Variants in TTN observed in about 807,000 individuals in gnomAD.
The protein encoded by TTN is connectin.
In TTN, 1,525 loss-of-function variants were observed where a neutral mutation model predicts 3,223.0. The ratio of observed to expected loss-of-function variants is 0.47; its 90% CI spans 0.45 to 0.49. The LOEUF (loss-of-function observed/expected upper bound fraction) is 0.49, where lower values mean the gene tolerates loss of function less well. Among genes scored for constraint, TTN ranks in the 20% least tolerant of loss-of-function variants. The probability of loss-of-function intolerance (pLI) is 0.00; values close to 1 mark genes in which losing one functional copy is unlikely to be tolerated. For synonymous variants in TTN, 14,094 were observed against 15,161.0 expected (o/e 0.93, Z 5.17); for missense variants, 40,786 against 43,424.0 (o/e 0.94, Z 5.40).
intron 46 of TTN, among the ~76,000 whole-genome samples, chr2:178,755,945 C>A (rs147103268): frequency 6.6e-6 from 1 of 152,080 alleles, no homozygotes; most frequent in Non-Finnish European, 1.5e-5. Context: ...CTTGGTAGTG[C>A]GTTGGTAAAT....
intron 218 of TTN, 162 bp downstream of exon 218, chr2:178,644,386 C>T (rs534431676): frequency 1.5e-5 from 8 of 525,944 alleles, no homozygotes; most frequent in East Asian, 3.5e-5. Context: ...GGAAGCAACA[C>T]TCATGAGCCA....
chr2:178,720,796 A>T (rs960954178), intron 79 of TTN, 125 bp downstream of exon 79: 66 of 1,380,964 alleles, frequency 4.8e-5, no homozygotes, highest in Non-Finnish European at 6.1e-5. Flanking sequence ...ATGACAATTC[A>T]TTAAAACTTG....
At chr2:178,738,430 AC>A in intron 48 of TTN, 70 bp from the exon 49 acceptor site, 1 of 1,493,820 alleles carries the variant, frequency 6.7e-7, no homozygotes, top group Non-Finnish European at 8.9e-7. Context: ...TTTTCTTCTA[AC>A]TTTTGTTGCT....
chr2:178,616,429 T>C lies in TTN; in HGVS notation c.48312+50A>G, dbSNP rs755191669. ...TGTATGGCATCCCAACCTTCTGGGA[T>C]TTCCCCTACTCTCATTTTTGGCATT... On this transcript the variant is annotated intron_variant, in intron 257 of 362. Transcript: ENST00000589042. 3 of 1,599,204 alleles carry C rather than the reference T, an allele frequency of 1.9e-6. No homozygotes were observed. In the Admixed American group the frequency reaches 5.4e-5, roughly 29 times the overall value.
At position 178,617,802 on chromosome 2, in the gene TTN, A is replaced by C. The variant is rs1462059025; in HGVS notation, c.47549T>G (p.Phe15850Cys). 34 of 1,612,222 alleles carry C rather than the reference A, an allele frequency of 2.1e-5. No homozygotes were observed. The Admixed American group carries it at 5.5e-4, about 26-fold the overall frequency. ...GVGKPSAATP[F>C]VKVADPIERP... ...ACCAATTGGATCAGCAACTTTGACG[A>C]AGGGTGTGGCTGCACTTGGTTTTCC... Residue 15850 changes from phenylalanine to cysteine, a missense_variant, in exon 253 of 363, where the codon TTC (phenylalanine) becomes TGC (cysteine). Phe to Cys is a radical substitution (Grantham distance 205). Transcript: ENST00000589042.
At chr2:178,793,712 A>C (rs1033600402) in intron 8 of TTN, among the ~76,000 whole-genome samples, 171 bp from the exon 9 acceptor site, 1 of 152,192 alleles carries the variant, frequency 6.6e-6, no homozygotes, top group Non-Finnish European at 1.5e-5. Context: ...AGGCACAAGA[A>C]TCACTTAAAC....
Position 178,633,336 on chromosome 2 carries a change from T to C in TTN, c.42947-10A>G. On this transcript the variant is annotated splice_polypyrimidine_tract_variant and intron_variant, in intron 232 of 362. Coordinates refer to ENST00000589042, the MANE Select transcript of TTN (RefSeq NM_001267550.2). The stretch of plus-strand genomic sequence containing the variant: ...ACTTTTATTAGTCGAGCTGAAATGA[T>C]ACAGTTTTGTTAGCATGACTGAACT... 1 of 1,612,980 alleles carries C rather than the reference T, an allele frequency of 6.2e-7. No individual in the cohort carries two copies. Among genetic ancestry groups the C allele is most frequent in the Admixed American group, 1.7e-5 (1 of 59,918 alleles).
chr2:178,531,284 C>T lies in TTN; in HGVS notation c.105331G>A (p.Glu35111Lys). The T allele has an allele frequency of 6.2e-7, 1 of 1,614,014 alleles. No individual in the cohort carries two copies. Residue 35111 changes from glutamate (E) to lysine (K), a missense_variant, in exon 358 of 363, where the codon GAA becomes AAA. By Grantham distance (56) the Glu-to-Lys change is moderately conservative. Transcript: ENST00000589042. ...GTGGATTTTTCTTCCAGTGACTTTT[C>T]TTCTAATGCAGCACTTTTCATTTCT... ...SAEMKSAALE[E>K]KSLEEKSTTR...
chr2:178,600,759 G>C, intron 288 of TTN, 95 bp downstream of exon 288: 2 of 1,442,074 alleles, frequency 1.4e-6, no homozygotes, highest in South Asian at 2.3e-5. Flanking sequence ...AGCTTCCTAA[G>C]GTACAGATAT....
Position 178,730,566 on chromosome 2 carries a change from G to C in TTN, c.17967C>G (p.Tyr5989Ter), listed in dbSNP as rs2154308240. The change falls in exon 61 of 363, where the codon TAC becomes TAG. Residue 5989 changes from tyrosine (Y) to a stop codon, truncating the protein, a stop_gained. Transcript: ENST00000589042. LOFTEE classifies it high-confidence loss of function. The stretch of plus-strand genomic sequence containing the variant: ...CTGCCTTATTTGTGGCAGAACAAGT[G>C]TATGTCCCACTGTCTGTACCTTCCA... ...SQLEGTDSGT[Y>*]TCSATNKAGH... 1 of 1,613,608 alleles carries C rather than the reference G, an allele frequency of 6.2e-7. No homozygotes were observed. The highest frequency in any genetic ancestry group is 8.5e-7 in the Non-Finnish European group (1 of 1,179,628).
In TTN at chr2:178,601,002, G is replaced by T; in HGVS notation, c.55902C>A (p.Cys18634Ter). The T allele has an allele frequency of 6.2e-7, 1 of 1,613,000 alleles. No individual in the cohort carries two copies. Among genetic ancestry groups the T allele is most frequent in the Non-Finnish European group, 8.5e-7 (1 of 1,179,352 alleles). The change falls in exon 288 of 363, where the codon TGC becomes TGA. Residue 18634 changes from cysteine (C) to a stop codon, truncating the protein, a stop_gained. Transcript: ENST00000589042. LOFTEE classifies it high-confidence loss of function. ...GCAGTTCTTCCACATCACGCTTATT[G>T]CACTGCCTCCAGGCTTCTTTCTTTG... Reference protein sequence around the residue: ...TGTKKEAWRQCNKRDVEELQF... With the variant: ...TGTKKEAWRQ
chr2:178,574,708 T>C lies in TTN; in HGVS notation c.71424A>G (p.Gly23808=), dbSNP rs774829538. 1 of 1,613,320 alleles carries C rather than the reference T, an allele frequency of 6.2e-7. No homozygotes were observed. The highest frequency in any genetic ancestry group is 1.1e-5 in the South Asian group (1 of 91,006). ...ATGCTGATGTGATGCCTGGTCCAAC[T>C]CCATATCTATTCTGAGCTTTTACAC... ...QFRVKAQNRY[G]VGPGITSACI... Residue 23808 remains glycine (G), a synonymous_variant, in exon 326 of 363, where the codon GGA becomes GGG. Coordinates refer to ENST00000589042, the MANE Select transcript of TTN (RefSeq NM_001267550.2).
In TTN at chr2:178,570,600, C is replaced by T. The variant is rs878863074; in HGVS notation, c.75532G>A (p.Asp25178Asn). The change falls in exon 326 of 363, where the codon GAC becomes AAC. Residue 25178 changes from aspartate (D) to asparagine (N), a missense_variant. Physicochemically the swap from Asp to Asn is conservative, Grantham distance 23. Coordinates refer to ENST00000589042, the MANE Select transcript of TTN (RefSeq NM_001267550.2). ...SLSVKDAVRV[D>N]SGNYILKAKN... ...GCCTTCAGTATGTAATTTCCACTGTCGACACGTACTGCATCTTTTACACTG... is the reference window on the plus strand; with the variant it reads ...GCCTTCAGTATGTAATTTCCACTGTTGACACGTACTGCATCTTTTACACTG... The T allele has an allele frequency of 1.4e-5, 22 of 1,613,298 alleles. No individual in the cohort carries two copies. The highest frequency in any genetic ancestry group is 6.7e-5 in the East Asian group (3 of 44,766).
chr2:178,526,902 T>C lies in TTN; in HGVS notation c.*110A>G. ...TTGAACTTTGACTCATTTAGGTTGA[T>C]ACAAAACTACTTTTTTTTCTTTAAA... On this transcript the variant is annotated 3_prime_UTR_variant, in exon 363 of 363. Transcript: ENST00000589042. 9.3e-7 allele frequency: 1 copy of C among 1,069,998 alleles called. No individual in the cohort carries two copies. 66.3% of individuals were successfully genotyped at this position (1,069,998 alleles called of 1,614,324 possible).
At chr2:178,781,037 C>T (rs2092718456) in intron 21 of TTN, 84 bp downstream of exon 21, 11 of 1,590,824 alleles carry the variant, frequency 6.9e-6, no homozygotes, top group South Asian at 1.1e-5. Flanking sequence ...TAAGTGGCAA[C>T]AGGTTTTTCA....
At position 178,613,744 on chromosome 2, in the gene TTN, A is replaced by G. The variant is rs2154201240; in HGVS notation, c.49532+7T>C. On this transcript the variant is annotated splice_region_variant and intron_variant, in intron 263 of 362. Transcript: ENST00000589042. The stretch of plus-strand genomic sequence containing the variant: ...TCTTAACATCTTGATGGGGATTCTG[A>G]GCATACCTGTATGTTGTGTCCTTTA... 6.2e-7 allele frequency: 1 copy of G among 1,610,974 alleles called. No homozygotes were observed. Among genetic ancestry groups the G allele is most frequent in the Non-Finnish European group, 8.5e-7 (1 of 1,178,402 alleles).
Position 178,602,060 on chromosome 2 carries a change from C to A in TTN, c.55211G>T (p.Gly18404Val), listed in dbSNP as rs746548796. Residue 18404 changes from glycine to valine, a missense_variant, in exon 284 of 363, where the codon GGA (glycine) becomes GTA (valine). Transcript: ENST00000589042. Reference sequence around the variant, plus strand: ...CCAAGATGATTTTGGTGTTGGGCGTCCCTTGATGACAGCAGGAATCCTAAT... The same window carrying A: ...CCAAGATGATTTTGGTGTTGGGCGTACCTTGATGACAGCAGGAATCCTAAT... The part of the protein sequence containing the change: ...SQIRIPAVIK[G>V]RPTPKSSWEF... 2 of 1,612,632 alleles carry A rather than the reference C, an allele frequency of 1.2e-6. No homozygotes were observed. The highest frequency in any genetic ancestry group is 1.3e-5 in the African/African-American group (1 of 74,824).
At position 178,689,803 on chromosome 2, in the gene TTN, G is replaced by C. The variant is rs1560409300; in HGVS notation, c.31846+10C>G. On this transcript the variant is annotated intron_variant, in intron 122 of 362. Transcript: ENST00000589042. ...TAAAAGATAGGGCTTTACGTCGAAA[G>C]CCACTGTACCTTTAGCTGGGGGAGC... The C allele has an allele frequency of 6.3e-7, 1 of 1,594,858 alleles. No homozygotes were observed. The highest frequency in any genetic ancestry group is 2.2e-5 in the East Asian group (1 of 44,800).
In TTN at chr2:178,563,604, C is replaced by T; in HGVS notation, c.82528G>A (p.Asp27510Asn). 6.2e-7 allele frequency: 1 copy of T among 1,613,780 alleles called. No individual in the cohort carries two copies. The highest frequency in any genetic ancestry group is 8.5e-7 in the Non-Finnish European group (1 of 1,179,758). Residue 27510 changes from aspartate (D) to asparagine (N), a missense_variant, in exon 326 of 363, where the codon GAT becomes AAT. By Grantham distance (23) the Asp-to-Asn change is conservative. Coordinates refer to ENST00000589042, the MANE Select transcript of TTN (RefSeq NM_001267550.2). This position sits in a 1 kb window ranked among gnomAD's most constrained non-coding sequence, Gnocchi z 4.5. ...TTGGTCCATCTAACGCCTTCCTTAT[C>T]TCGTTTTTCAAGAATGTAGCCCTCA... The part of the protein sequence containing the change: ...EIEGYILEKR[D>N]KEGVRWTKCN...
Sources: allele counts gnomAD v4.1 joint callset (sites outside exome capture counted in the v4.1 genomes callset), GRCh38; gene constraint gnomAD v4.1.1; non-coding constraint Gnocchi (gnomAD v3.1); transcripts MANE v1.5; gene names NCBI Gene and HGNC (gene_info 2026-07-23, HGNC 2026-07-21).